Variants in LRRC7 observed in about 807,000 individuals in gnomAD.
LRRC7 encodes the protein leucine-rich repeat-containing protein 7.
Under a neutral mutation model 175.7 loss-of-function variants are expected in LRRC7, and 23 were observed. The ratio of observed to expected loss-of-function variants is 0.13; its 90% CI spans 0.09 to 0.19. LRRC7 has a LOEUF of 0.19. Among genes scored for constraint, LRRC7 ranks in the 10% least tolerant of loss-of-function variants. The pLI is 1.00. For synonymous variants in LRRC7, 685 were observed against 680.9 expected (o/e 1.01, Z -0.09); for missense variants, 1,354 against 1,904.7 (o/e 0.71, Z 5.38).
intron 10 of LRRC7, among the ~76,000 whole-genome samples, chr1:69,989,454 C>T (rs888947306): frequency 6.6e-6 from 1 of 151,882 alleles, no homozygotes; most frequent in African/African-American, 2.4e-5. Context: ...TGAAATACCA[C>T]ATAGGGTAAT....
intron 26 of LRRC7, among the ~76,000 whole-genome samples, chr1:70,121,003 A>C (rs916819538): frequency 1.3e-5 from 2 of 152,084 alleles, no homozygotes; most frequent in Non-Finnish European, 2.9e-5. Flanking sequence ...ATAGCACTCA[A>C]TACAGAGAAC....
rs751001155 is a variant in LRRC7, at chr1:70,135,536, T to G, written c.*13649T>G. On this transcript the variant is annotated 3_prime_UTR_variant, in exon 27 of 27. Transcript: ENST00000651989. ...TCACTTAAAATGCACTGAGATCCTT[T>G]TGAAACATCTCACGCACTCCTCCCC... is the stretch of plus-strand genomic sequence containing the variant. Among the ~76,000 whole-genome samples the G allele has an allele frequency of 6.6e-6, 1 of 152,124 alleles. No individual in the cohort carries two copies. The highest frequency in any genetic ancestry group is 1.5e-5 in the Non-Finnish European group (1 of 68,010).
At chr1:69,570,084 C>T (rs986214031) in intron 1 of LRRC7, among the ~76,000 whole-genome samples, 25 of 152,116 alleles carry the variant, frequency 1.6e-4, no homozygotes, top group Middle Eastern at 3.4e-3. Context: ...ATGTGGCTCT[C>T]CTGGTGGATG....
intron 1 of LRRC7, among the ~76,000 whole-genome samples, chr1:69,604,775 T>C (rs1647265025): frequency 6.6e-6 from 1 of 152,168 alleles, no homozygotes; most frequent in South Asian, 2.1e-4. Flanking sequence ...TCTAAGGAAC[T>C]TCTTGCCACG....
At chr1:69,946,123 C>A (rs1214588238) in intron 8 of LRRC7, among the ~76,000 whole-genome samples, 1 of 152,022 alleles carries the variant, frequency 6.6e-6, no homozygotes, top group Non-Finnish European at 1.5e-5. Context: ...TCGTGCATGA[C>A]CTTTAGCATG....
chr1:69,604,160 T>C (rs1162429067), intron 1 of LRRC7, among the ~76,000 whole-genome samples: 4 of 152,164 alleles, frequency 2.6e-5, no homozygotes, highest in African/African-American at 4.8e-5. Flanking sequence ...TGTGTTGTTT[T>C]CTCTGGGAAT....
intron 2 of LRRC7, among the ~76,000 whole-genome samples, chr1:69,753,790 T>C (rs909900404): frequency 3.9e-5 from 6 of 152,044 alleles, no homozygotes; most frequent in African/African-American, 1.4e-4. Context: ...GTAAAGAAGA[T>C]TGATATTGAG....
chr1:69,582,585 C>A (rs909493402), intron 1 of LRRC7, among the ~76,000 whole-genome samples: 2 of 152,228 alleles, frequency 1.3e-5, no homozygotes, highest in Non-Finnish European at 2.9e-5. Flanking sequence ...GGCAAGGGAA[C>A]AAATGGTTAA....
At chr1:69,909,414 G>T (rs1350846005) in intron 7 of LRRC7, among the ~76,000 whole-genome samples, 2 of 152,138 alleles carry the variant, frequency 1.3e-5, no homozygotes, top group Non-Finnish European at 2.9e-5. Context: ...GGTACCGGTT[G>T]TTCCTTTCCA....
At chr1:70,027,020 C>T (rs896567651) in intron 17 of LRRC7, among the ~76,000 whole-genome samples, 2 of 151,916 alleles carry the variant, frequency 1.3e-5, no homozygotes, top group African/African-American at 2.4e-5. Flanking sequence ...GGGGTGGGTG[C>T]GGATGTGCCC....
chr1:69,884,274 A>C (rs1686940160), intron 7 of LRRC7, among the ~76,000 whole-genome samples: 1 of 92,540 alleles, frequency 1.1e-5, no homozygotes, highest in Non-Finnish European at 2.3e-5. Context: ...ATTTGTTTGT[A>C]TCTTCTTTTA....
intron 2 of LRRC7, among the ~76,000 whole-genome samples, chr1:69,729,288 G>A (rs1667306625): frequency 6.6e-6 from 1 of 152,048 alleles, no homozygotes; most frequent in Non-Finnish European, 1.5e-5. Flanking sequence ...CTTTCCAGCA[G>A]TCCCCCAAGG....
intron 1 of LRRC7, among the ~76,000 whole-genome samples, chr1:69,575,757 T>G (rs1321032649): frequency 6.6e-6 from 1 of 152,126 alleles, no homozygotes; most frequent in Non-Finnish European, 1.5e-5. Context: ...TCTTCTAAAT[T>G]TGCTAATTTT....
intron 2 of LRRC7, among the ~76,000 whole-genome samples, chr1:69,712,048 G>T (rs1664808271): frequency 6.6e-6 from 1 of 152,114 alleles, no homozygotes. Context: ...TAAAAATCTA[G>T]AAACCAGAAA....
At chr1:69,993,160 A>C (rs542205188) in intron 10 of LRRC7, among the ~76,000 whole-genome samples, 1 of 152,280 alleles carries the variant, frequency 6.6e-6, no homozygotes, top group East Asian at 1.9e-4. Context: ...TGATTCAATC[A>C]CCTTTTGAAC....
chr1:69,906,196 C>G (rs1390949726), intron 7 of LRRC7, among the ~76,000 whole-genome samples: 5 of 151,988 alleles, frequency 3.3e-5, no homozygotes, highest in Admixed American at 3.3e-4. Flanking sequence ...ATTTTTTCTC[C>G]CATTTTGTGG....
intron 7 of LRRC7, among the ~76,000 whole-genome samples, chr1:69,922,948 C>T (rs1196416952): frequency 2.0e-5 from 3 of 152,004 alleles, no homozygotes; most frequent in African/African-American, 7.2e-5. Context: ...CCTCCTAATG[C>T]TATCCCTATC....
chr1:70,001,572 G>A (rs1655524343), intron 11 of LRRC7, among the ~76,000 whole-genome samples: 1 of 152,210 alleles, frequency 6.6e-6, no homozygotes, highest in South Asian at 2.1e-4. Context: ...ATGAAAGCCT[G>A]GAAATGTAAA....
At chr1:69,932,413 T>C (rs1178042067) in intron 8 of LRRC7, among the ~76,000 whole-genome samples, 1 of 152,234 alleles carries the variant, frequency 6.6e-6, no homozygotes, top group East Asian at 1.9e-4. Flanking sequence ...TAATGTTCTC[T>C]CTTACACAGG....
Sources: allele counts gnomAD v4.1 joint callset (sites outside exome capture counted in the v4.1 genomes callset), GRCh38; gene constraint gnomAD v4.1.1; transcripts MANE v1.5; gene names NCBI Gene and HGNC (gene_info 2026-07-23, HGNC 2026-07-21).